The following AHCTF1 variants were observed in gnomAD, a reference collection of about 807,000 sequenced individuals.
AHCTF1 encodes the protein AT-hook containing transcription factor 1, also known as protein ELYS.
In AHCTF1, 24 loss-of-function variants were observed where a neutral mutation model predicts 248.4. The ratio of observed to expected loss-of-function variants is 0.10; its 90% confidence interval spans 0.07 to 0.14. AHCTF1 has a LOEUF of 0.14. Ranked by LOEUF, AHCTF1 falls within the 10% of genes least tolerant of loss-of-function variation. The pLI is 1.00. For synonymous variants in AHCTF1, 786 were observed against 929.8 expected, an observed-to-expected ratio of 0.85 and a Z score of 2.81; for missense variants, 2,206 against 2,636.2, an observed-to-expected ratio of 0.84 and a Z score of 3.57.
intron 24 of AHCTF1, among the ~76,000 whole-genome samples, chr1:246,873,710 A>G (rs926656640): frequency 3.3e-5 from 5 of 152,228 alleles, no homozygotes; most frequent in African/African-American, 1.2e-4. Context: ...TGAATATACT[A>G]GAGACACCCA....
At chr1:246,842,120 C>T (rs954144268) in intron 35 of AHCTF1, among the ~76,000 whole-genome samples, 1 of 152,094 alleles carries the variant, frequency 6.6e-6, no homozygotes, top group Non-Finnish European at 1.5e-5. Context: ...AAGGACTGGG[C>T]TTTCATGCTA....
intron 7 of AHCTF1, among the ~76,000 whole-genome samples, chr1:246,903,656 C>T (rs866920702): frequency 1.7e-5 from 2 of 115,096 alleles, no homozygotes; most frequent in Non-Finnish European, 3.6e-5. Flanking sequence ...GGTGAGACCC[C>T]CCCCCCTCCG....
chr1:246,882,906 C>T (rs186037126), intron 21 of AHCTF1, among the ~76,000 whole-genome samples: 2 of 152,322 alleles, frequency 1.3e-5, no homozygotes, highest in Admixed American at 6.5e-5. Context: ...GAAACTCAGG[C>T]TCAGAGAGGA....
chr1:246,881,077 A>C (rs1663369981), intron 21 of AHCTF1, among the ~76,000 whole-genome samples: 1 of 152,224 alleles, frequency 6.6e-6, no homozygotes, highest in East Asian at 1.9e-4. Flanking sequence ...ACAATACAAA[A>C]AGACATTCAA....
intron 24 of AHCTF1, 22 bp from the exon 25 acceptor site, chr1:246,867,833 A>C (rs771756939): frequency 6.3e-7 from 1 of 1,585,418 alleles, no homozygotes; most frequent in Non-Finnish European, 8.6e-7. Context: ...AGAACGCTGG[A>C]ATTAAGTGCA....
At chr1:246,914,718 G>C (rs1366575079) in intron 3 of AHCTF1, among the ~76,000 whole-genome samples, 2 of 152,116 alleles carry the variant, frequency 1.3e-5, no homozygotes, top group South Asian at 2.1e-4. Flanking sequence ...TTGAACTTTT[G>C]AAAGTGTCTA....
At chr1:246,860,222 C>G (rs1661435284) in intron 29 of AHCTF1, among the ~76,000 whole-genome samples, 1 of 152,044 alleles carries the variant, frequency 6.6e-6, no homozygotes, top group Non-Finnish European at 1.5e-5. Context: ...GAGCCGAGAT[C>G]ACGCCACTGC....
chr1:246,852,882 C>G (rs931977858), intron 32 of AHCTF1, among the ~76,000 whole-genome samples: 1 of 152,168 alleles, frequency 6.6e-6, no homozygotes, highest in African/African-American at 2.4e-5. Context: ...CCCGCCACAG[C>G]ACCCACCTCC....
At position 246,902,511 on chromosome 1, in the gene AHCTF1, G is replaced by A. The variant is rs373007431; in HGVS notation, c.1117+14C>T. On this transcript the variant is annotated intron_variant, in intron 8 of 35. Coordinates refer to ENST00000648844, the MANE Select transcript of AHCTF1 (RefSeq NM_001323342.2). ...CCAGCCTTCACATGACATATTTCAA[G>A]TACTTTAACTAACCTTCATTCACGC... The A allele has an allele frequency of 4.4e-6, 7 of 1,601,216 alleles. No homozygotes were observed. The African/African-American group carries it at 9.4e-5, about 21-fold the overall frequency.
chr1:246,916,477 A>C (rs560567798), intron 2 of AHCTF1, 82 bp from the exon 3 acceptor site: 16 of 1,234,530 alleles, frequency 1.3e-5, no homozygotes, highest in Admixed American at 2.3e-5. Flanking sequence ...ACATACAACT[A>C]TATGTTCATT....
Position 246,872,054 on chromosome 1 carries a change from A to G in AHCTF1, c.3088+3983T>C, listed in dbSNP as rs1015091580. Among the ~76,000 whole-genome samples, 39 of 147,708 alleles carry G rather than the reference A, an allele frequency of 2.6e-4. 3 individuals carry two copies. Among genetic ancestry groups the G allele is most frequent in the Non-Finnish European group, 2.7e-4 (18 of 67,286 alleles). The stretch of plus-strand genomic sequence containing the variant: ...CAGAAAGATGAACTATTAATGACAA[A>G]AAAAAAAAAAAAAAAAGAACCTAGA... On this transcript the variant is annotated intron_variant, in intron 24 of 35. Transcript: ENST00000648844.
rs1412866382 is a variant in AHCTF1 at position 246,850,817 on chromosome 1, T to A, written c.5189A>T (p.Gln1730Leu). 1 of 1,613,918 alleles carries A rather than the reference T, an allele frequency of 6.2e-7. No homozygotes were observed. Among genetic ancestry groups the A allele is most frequent in the Non-Finnish European group, 8.5e-7 (1 of 1,179,848 alleles). Residue 1730 changes from glutamine to leucine, a missense_variant, in exon 33 of 36, where the codon CAG becomes CTG. This residue lies in a region of AHCTF1 where 955 missense variants were observed against 1,055.6 expected (regional missense o/e 0.90). Coordinates refer to ENST00000648844, the MANE Select transcript of AHCTF1 (RefSeq NM_001323342.2). ...TTTGGAGGAAACCACGTCATCAACCTGGCTGACATTCATAGTCATTGTGCT... is the reference window on the plus strand; with the variant it reads ...TTTGGAGGAAACCACGTCATCAACCAGGCTGACATTCATAGTCATTGTGCT... ...ETSTMTMNVS[Q>L]VDDVVSSKTR... is the part of the protein sequence containing the mutation.
At chr1:246,926,114 T>C (rs1666905656) in intron 1 of AHCTF1, among the ~76,000 whole-genome samples, 1 of 150,144 alleles carries the variant, frequency 6.7e-6, no homozygotes, top group African/African-American at 2.5e-5. Context: ...AGTATCCTGC[T>C]CTCCCTTTGC....
intron 6 of AHCTF1, 73 bp downstream of exon 6, chr1:246,905,468 G>T: frequency 7.9e-7 from 1 of 1,264,578 alleles, no homozygotes; most frequent in Non-Finnish European, 1.1e-6. Flanking sequence ...CTGCACTCCA[G>T]CCTGGACAAC....
chr1:246,907,717 T>C lies in AHCTF1; in HGVS notation c.598A>G (p.Ile200Val). Residue 200 changes from isoleucine (I) to valine (V), a missense_variant, in exon 5 of 36, where the codon ATT (isoleucine) becomes GTT (valine). This residue lies in a region of AHCTF1 where 650 missense variants were observed against 870.8 expected (regional missense o/e 0.75). Coordinates refer to ENST00000648844, the MANE Select transcript of AHCTF1 (RefSeq NM_001323342.2). ...CCTTGTCTCATTACACTTTCTCTAA[T>C]GTGTGGTACTTCAGCTGGGATACCA... ...LTGIPAEVPH[I>V]RESVMRQGRH... 1 of 1,613,964 alleles carries C rather than the reference T, an allele frequency of 6.2e-7. No homozygotes were observed. The highest frequency in any genetic ancestry group is 1.1e-5 in the South Asian group (1 of 91,072).
intron 18 of AHCTF1, 42 bp from the exon 19 acceptor site, chr1:246,888,275 GTCAT>G (rs534939657): frequency 4.3e-6 from 7 of 1,612,026 alleles, no homozygotes; most frequent in South Asian, 1.1e-5. Flanking sequence ...ATCTTATACA[GTCAT>G]TCATTCATTC....
chr1:246,891,722 T>C, intron 15 of AHCTF1, 57 bp downstream of exon 15: 1 of 1,566,884 alleles, frequency 6.4e-7, no homozygotes, highest in Admixed American at 1.8e-5. Context: ...TATTCGTTTC[T>C]CTTAGTCAAG....
intron 4 of AHCTF1, among the ~76,000 whole-genome samples, chr1:246,911,479 CTTTTTTTT>C (rs35320501): frequency 2.0e-5 from 2 of 99,494 alleles, no homozygotes; most frequent in Non-Finnish European, 3.9e-5. Context: ...TATGAAGATT[CTTTTTTTT>C]TTTTTTTTTT....
intron 27 of AHCTF1, among the ~76,000 whole-genome samples, chr1:246,862,492 A>AAC (rs1276056495): frequency 6.6e-6 from 1 of 152,126 alleles, no homozygotes; most frequent in Non-Finnish European, 1.5e-5. Flanking sequence ...AAAAAAAAAA[A>AAC]AGTGCTTATA....
Sources: gnomAD v4.1 joint callset for allele counts (sites outside exome capture counted in the v4.1 genomes callset) on GRCh38, gnomAD v4.1.1 for gene constraint, gnomAD v4.1.1 regional missense constraint, MANE v1.5 for transcripts, NCBI Gene and HGNC (gene_info 2026-07-23, HGNC 2026-07-21) for gene names.